Variants in SNRNP200 observed in about 807,000 individuals in gnomAD.
SNRNP200 encodes small nuclear ribonucleoprotein U5 subunit 200.
A neutral mutation model predicts 255.2 loss-of-function variants in SNRNP200; 66 were observed. The observed-to-expected ratio is 0.26, with a 90% CI of 0.21 to 0.32. The LOEUF (loss-of-function observed/expected upper bound fraction) is 0.32. Ranked by LOEUF, SNRNP200 falls within the 10% of genes least tolerant of loss-of-function variation. The probability of loss-of-function intolerance (pLI) is 1.00; values close to 1 mark genes in which losing one functional copy is unlikely to be tolerated. For missense variants in SNRNP200, 1,585 were observed against 2,749.8 expected, an observed-to-expected ratio of 0.58 and a Z score of 9.47; for synonymous variants, 939 against 1,027.8, an observed-to-expected ratio of 0.91 and a Z score of 1.65.
Position 96,283,371 on chromosome 2 carries a change from GGCTCA to G in SNRNP200, c.4764-24_4764-20del, listed in dbSNP as rs1455275299. ...CAAGAACCTGTGCGGTACAGGCACT[GGCTCA>G]GCTCAGAGTAGTTCAATTCCTGGCA... On this transcript the variant is annotated intron_variant, in intron 33 of 44. Transcript: ENST00000323853. This position sits in a 1 kb window ranked among gnomAD's most constrained non-coding sequence, Gnocchi z 4.7. The G allele has an allele frequency of 2.5e-6, 4 of 1,614,094 alleles. No homozygotes were observed. The African/African-American group carries it at 5.3e-5, about 22-fold the overall frequency.
At chr2:96,279,040 A>G (rs1375017857) in intron 36 of SNRNP200, 42 bp from the exon 37 acceptor site, 1 of 1,537,802 alleles carries the variant, frequency 6.5e-7, no homozygotes, top group African/African-American at 1.4e-5. Context: ...AGAATTAGTG[A>G]CAACACGGTC....
At position 96,290,464 on chromosome 2, in the gene SNRNP200, T is replaced by C; in HGVS notation, c.2604A>G (p.Ile868Met). The change falls in exon 20 of 45, where the codon ATA becomes ATG. Residue 868 changes from isoleucine (I) to methionine (M), a missense_variant. Coordinates refer to ENST00000323853, the MANE Select transcript of SNRNP200 (RefSeq NM_014014.5). This position sits in a 1 kb window ranked among gnomAD's most constrained non-coding sequence, Gnocchi z 4.5. Reference sequence around the variant, plus strand: ...GTAGCTCCCCATGAGATGTGATGAGTATGCCTTCACCCTTGGTGTCATACT... The same window carrying C: ...GTAGCTCCCCATGAGATGTGATGAGCATGCCTTCACCCTTGGTGTCATACT... Reference protein sequence around the residue: ...RPQYDTKGEGILITSHGELQY... With the variant: ...RPQYDTKGEGMLITSHGELQY... 1 of 1,614,134 alleles carries C rather than the reference T, an allele frequency of 6.2e-7. No homozygotes were observed. The highest frequency in any genetic ancestry group is 2.2e-5 in the East Asian group (1 of 44,882).
intron 4 of SNRNP200, 77 bp downstream of exon 4, chr2:96,301,447 G>T: frequency 6.9e-7 from 1 of 1,448,298 alleles, no homozygotes; most frequent in South Asian, 1.1e-5. Flanking sequence ...GTTTTTAAAT[G>T]AATGATGCTA....
At position 96,284,372 on chromosome 2, in the gene SNRNP200, C is replaced by T. The variant is rs757863241; in HGVS notation, c.4378G>A (p.Gly1460Arg). ...TCACGCCATACCCCATTCTCGCCCC[C>T]GATAAGGTGGACCTCATCCACCACG... ...LFVVDEVHLIGGENGPVLEVI... is the reference protein window; with the variant it reads ...LFVVDEVHLIRGENGPVLEVI... The change falls in exon 31 of 45, where the codon GGG becomes AGG. Residue 1460 changes from glycine (G) to arginine (R), a missense_variant. Coordinates refer to ENST00000323853, the MANE Select transcript of SNRNP200 (RefSeq NM_014014.5). 9 of 1,613,798 alleles carry T rather than the reference C, an allele frequency of 5.6e-6. No homozygotes were observed. Among genetic ancestry groups the T allele is most frequent in the African/African-American group, 1.3e-5 (1 of 74,910 alleles).
Position 96,283,024 on chromosome 2 carries a change from T to A in SNRNP200, c.4915+177A>T. On this transcript the variant is annotated intron_variant, in intron 34 of 44. Transcript: ENST00000323853. The surrounding 1 kb of genome is among the most constrained non-coding windows in gnomAD (Gnocchi z 4.7). ...CTGGCAAGTAGGGATAGTGTTTGTCTCACCTGCCTCACGAGGTTCTTGGGA... is the reference window on the plus strand; with the variant it reads ...CTGGCAAGTAGGGATAGTGTTTGTCACACCTGCCTCACGAGGTTCTTGGGA... 1 of 762,334 alleles carries A rather than the reference T, an allele frequency of 1.3e-6. No homozygotes were observed. The highest frequency in any genetic ancestry group is 2.2e-6 in the Non-Finnish European group (1 of 451,284). The allele number at this position is 762,334 out of a possible 1,614,324, so 47.2% of individuals were successfully genotyped here. A position where few individuals can be genotyped will look rare whatever the true frequency, so the allele number is the denominator to read the frequency against.
intron 5 of SNRNP200, among the ~76,000 whole-genome samples, chr2:96,300,529 C>G (rs1010432842): frequency 1.3e-5 from 2 of 152,016 alleles, no homozygotes; most frequent in Non-Finnish European, 2.9e-5. Flanking sequence ...GGGAGGCCGA[C>G]GGGGGGCGGA....
rs1416233236 is a variant in SNRNP200 at position 96,283,800 on chromosome 2, G to T, written c.4584+13C>A. 3 of 1,613,482 alleles carry T rather than the reference G, an allele frequency of 1.9e-6. No homozygotes were observed. The highest frequency in any genetic ancestry group is 2.5e-6 in the Non-Finnish European group (3 of 1,179,690). On this transcript the variant is annotated intron_variant, in intron 32 of 44. Coordinates refer to ENST00000323853, the MANE Select transcript of SNRNP200 (RefSeq NM_014014.5). This position sits in a 1 kb window ranked among gnomAD's most constrained non-coding sequence, Gnocchi z 4.7. ...GTGACACCCCACAGACGGATGAGGA[G>T]AGTGGGTCCTACCTGGATGTGCAGC...
chr2:96,286,215 C>G lies in SNRNP200; in HGVS notation c.4003+96G>C. ...CACACTGAGGAGCTCCCAGACCTCC[C>G]AAGTGCCTGAGCACCCCCACTCCCC... On this transcript the variant is annotated intron_variant, in intron 29 of 44. Transcript: ENST00000323853. This position sits in a 1 kb window ranked among gnomAD's most constrained non-coding sequence, Gnocchi z 4.8. 7.8e-7 allele frequency: 1 copy of G among 1,274,326 alleles called. No individual in the cohort carries two copies. Among genetic ancestry groups the G allele is most frequent in the East Asian group, 2.3e-5 (1 of 43,180 alleles). 78.9% of individuals were successfully genotyped at this position (1,274,326 alleles called of 1,614,324 possible).
At chr2:96,293,616 A>C (rs1284613111) in intron 14 of SNRNP200, 107 bp from the exon 15 acceptor site, 5 of 1,027,586 alleles carry the variant, frequency 4.9e-6, no homozygotes, top group Non-Finnish European at 7.4e-6. Context: ...CCTAAGAAAA[A>C]AGACAAGGGA....
intron 2 of SNRNP200, 69 bp downstream of exon 2, chr2:96,304,636 T>C (rs1434721882): frequency 6.3e-7 from 1 of 1,596,502 alleles, no homozygotes; most frequent in South Asian, 1.1e-5. Flanking sequence ...CCAGCAAAAA[T>C]GCTGCTCGAA....
intron 35 of SNRNP200, 185 bp from the exon 36 acceptor site, chr2:96,279,744 A>G: frequency 1.6e-6 from 1 of 615,806 alleles, no homozygotes; most frequent in African/African-American, 1.8e-5. Context: ...CCTGTATAAC[A>G]TTTTAGTATT....
intron 3 of SNRNP200, among the ~76,000 whole-genome samples, chr2:96,302,169 G>C (rs1338678046): frequency 6.6e-6 from 1 of 152,276 alleles, no homozygotes; most frequent in South Asian, 2.1e-4. Flanking sequence ...TCTGTGACTC[G>C]GGAAAATTAC....
Position 96,277,730 on chromosome 2 carries a change from G to C in SNRNP200, c.5755-15C>G, listed in dbSNP as rs1558762844. The C allele has an allele frequency of 6.2e-7, 1 of 1,614,152 alleles. No individual in the cohort carries two copies. Among genetic ancestry groups the C allele is most frequent in the Non-Finnish European group, 8.5e-7 (1 of 1,180,034 alleles). On this transcript the variant is annotated splice_polypyrimidine_tract_variant and intron_variant, in intron 40 of 44. Transcript: ENST00000323853. The surrounding 1 kb of genome is among the most constrained non-coding windows in gnomAD (Gnocchi z 4.4). The stretch of plus-strand genomic sequence containing the variant: ...AGCCGGATTGCCTGAACAGGAAAAG[G>C]AGTATAAAAGTGGGCGGAGTTGGAG...
Position 96,300,353 on chromosome 2 carries a change from T to C in SNRNP200, c.630+645A>G, listed in dbSNP as rs546004517. On this transcript the variant is annotated intron_variant, in intron 5 of 44. Coordinates refer to ENST00000323853, the MANE Select transcript of SNRNP200 (RefSeq NM_014014.5). The stretch of plus-strand genomic sequence containing the variant: ...GATACAGTAATGAAAAATGGGAAAA[T>C]ACTGTAATAAGGTTAAAATGCAGTA... Among the ~76,000 whole-genome samples, 22 of 152,276 alleles carry C rather than the reference T, an allele frequency of 1.4e-4. No individual in the cohort carries two copies. In the South Asian group the frequency reaches 4.6e-3, roughly 32 times the overall value.
Position 96,284,585 on chromosome 2 carries a change from C to T in SNRNP200, c.4165G>A (p.Val1389Ile), listed in dbSNP as rs143898031. The T allele has an allele frequency of 4.5e-3, 7,186 of 1,611,524 alleles. 55 individuals carry two copies. The Middle Eastern group carries it at 0.049, about 11-fold the overall frequency. Reference sequence around the variant, plus strand: ...AACTTCTCGTACCAGTCCATGTATACCTGGCGGGCAGAGGAGGGAGGCAGA... The same window carrying T: ...AACTTCTCGTACCAGTCCATGTATATCTGGCGGGCAGAGGAGGGAGGCAGA... ...ITPMEALAEQ[V>I]YMDWYEKFQD... Residue 1389 changes from valine (V) to isoleucine (I), a missense_variant and splice_region_variant, in exon 31 of 45, where the codon GTA becomes ATA. Around this residue, in one of 9 missense-constraint regions of SNRNP200, gnomAD observed 719 missense variants for 1,091.1 expected, o/e 0.66. Transcript: ENST00000323853.
Position 96,287,219 on chromosome 2 carries a change from G to A in SNRNP200, c.3485-59C>T. On this transcript the variant is annotated intron_variant, in intron 26 of 44. Coordinates refer to ENST00000323853, the MANE Select transcript of SNRNP200 (RefSeq NM_014014.5). This position sits in a 1 kb window ranked among gnomAD's most constrained non-coding sequence, Gnocchi z 5.7. ...CAGCCTGCCTACTATACTGCAAACT[G>A]GGCCTGAGGGCCACTGTGGGAAAGG... 6.3e-7 allele frequency: 1 copy of A among 1,594,780 alleles called. No individual in the cohort carries two copies. Among genetic ancestry groups the A allele is most frequent in the Non-Finnish European group, 8.6e-7 (1 of 1,162,952 alleles).
intron 10 of SNRNP200, 43 bp from the exon 11 acceptor site, chr2:96,297,579 C>T (rs1337659254): frequency 5.0e-6 from 8 of 1,613,990 alleles, no homozygotes; most frequent in Admixed American, 3.3e-5. Flanking sequence ...GTAAGCAAGC[C>T]GAGCAAGTGA....
Position 96,287,010 on chromosome 2 carries a change from T to C in SNRNP200, c.3635A>G (p.Glu1212Gly). 6.2e-7 allele frequency: 1 copy of C among 1,614,194 alleles called. No homozygotes were observed. The highest frequency in any genetic ancestry group is 8.5e-7 in the Non-Finnish European group (1 of 1,180,018). The stretch of plus-strand genomic sequence containing the variant: ...CTCTGCCCAGCAAAGCCTCACCTTT[T>C]CATCCCACTGGAAGTCTGGCGTGAT... ...LTITPDFQWD[E>G]KVHGSSEAFW... The change falls in exon 27 of 45, where the codon GAA becomes GGA. Residue 1212 changes from glutamate (E) to glycine (G), a missense_variant. Transcript: ENST00000323853. The surrounding 1 kb of genome is among the most constrained non-coding windows in gnomAD (Gnocchi z 5.7).
At position 96,290,657 on chromosome 2, in the gene SNRNP200, T is replaced by G; in HGVS notation, c.2553+27A>C. ...TTCAGGCAAGGATACTGATCCCTGC[T>G]GAGAATAAACTCAAAAGGCTCTGTA... On this transcript the variant is annotated intron_variant, in intron 19 of 44. Transcript: ENST00000323853. The surrounding 1 kb of genome is among the most constrained non-coding windows in gnomAD (Gnocchi z 4.5). 1.9e-6 allele frequency: 3 copies of G among 1,614,170 alleles called. No individual in the cohort carries two copies. The highest frequency in any genetic ancestry group is 2.5e-6 in the Non-Finnish European group (3 of 1,180,016).
Sources: gnomAD v4.1 joint callset for allele counts (sites outside exome capture counted in the v4.1 genomes callset) on GRCh38, gnomAD v4.1.1 for gene constraint, gnomAD v4.1.1 regional missense constraint, Gnocchi (gnomAD v3.1) non-coding constraint, MANE v1.5 for transcripts, NCBI Gene and HGNC (gene_info 2026-07-23, HGNC 2026-07-21) for gene names.